The following CTNNBL1 variants were observed in gnomAD, a reference collection of about 807,000 sequenced individuals.
CTNNBL1 encodes the protein catenin beta like 1.
A neutral mutation model predicts 72.7 loss-of-function variants in CTNNBL1; 31 were observed. The observed-to-expected ratio is 0.43, with a 90% CI of 0.32 to 0.58. The LOEUF (loss-of-function observed/expected upper bound fraction) is 0.58, where lower values mean the gene tolerates loss of function less well. Ranked by LOEUF, CTNNBL1 falls within the 20% of genes least tolerant of loss-of-function variation. The pLI is 0.08. For missense variants in CTNNBL1, 534 were observed against 725.1 expected, an observed-to-expected ratio of 0.74 and a Z score of 3.03; for synonymous variants, 240 against 267.3, an observed-to-expected ratio of 0.90 and a Z score of 1.00.
chr20:37,767,534 G>A (rs150874529), intron 6 of CTNNBL1, among the ~76,000 whole-genome samples: 25 of 151,850 alleles, frequency 1.6e-4, no homozygotes, highest in African/African-American at 4.6e-4. Flanking sequence ...GATGAATCAG[G>A]AAAGGAAGCG....
intron 11 of CTNNBL1, among the ~76,000 whole-genome samples, chr20:37,820,940 C>A (rs1447370247): frequency 6.6e-6 from 1 of 152,174 alleles, no homozygotes; most frequent in Non-Finnish European, 1.5e-5. Context: ...TAATACAGAT[C>A]TAGGGTAAAA....
chr20:37,766,841 A>G (rs1037075812), intron 6 of CTNNBL1, among the ~76,000 whole-genome samples: 2 of 152,226 alleles, frequency 1.3e-5, no homozygotes, highest in African/African-American at 4.8e-5. Flanking sequence ...CGAGTGAACA[A>G]TAGGAAGCCA....
At chr20:37,847,288 A>G (rs2072354665) in intron 13 of CTNNBL1, among the ~76,000 whole-genome samples, 1 of 152,188 alleles carries the variant, frequency 6.6e-6, no homozygotes, top group African/African-American at 2.4e-5. Context: ...AATAATCTGT[A>G]ACTAGCAAAG....
At chr20:37,722,670 C>T (rs910278134) in intron 1 of CTNNBL1, among the ~76,000 whole-genome samples, 8 of 152,196 alleles carry the variant, frequency 5.3e-5, no homozygotes, top group Middle Eastern at 3.4e-3. Flanking sequence ...TGTGAGATAG[C>T]GAAGCAAGGG....
At chr20:37,697,971 C>A (rs2122534972) in intron 1 of CTNNBL1, among the ~76,000 whole-genome samples, 1 of 152,284 alleles carries the variant, frequency 6.6e-6, no homozygotes, top group South Asian at 2.1e-4. Flanking sequence ...GTCAATCTGA[C>A]CCCTTTCCCC....
intron 5 of CTNNBL1, among the ~76,000 whole-genome samples, chr20:37,760,311 G>A (rs2073404762): frequency 6.6e-6 from 1 of 152,146 alleles, no homozygotes; most frequent in African/African-American, 2.4e-5. Context: ...CCCCAAACTT[G>A]CCATGTGCTA....
At chr20:37,722,558 G>T (rs2122580390) in intron 1 of CTNNBL1, among the ~76,000 whole-genome samples, 1 of 152,218 alleles carries the variant, frequency 6.6e-6, no homozygotes, top group African/African-American at 2.4e-5. Flanking sequence ...GCAGTTTGCA[G>T]TCATTAAGAG....
intron 13 of CTNNBL1, among the ~76,000 whole-genome samples, chr20:37,854,551 A>ATATTATTATTAT (rs139266490): frequency 1.5e-5 from 2 of 129,296 alleles, no homozygotes; most frequent in Non-Finnish European, 3.2e-5. Flanking sequence ...CTGCCTCTCA[A>ATATTATTATTAT]TATTATTATT....
rs141165202 is a variant in CTNNBL1, at chr20:37,730,949, C to T, written c.31-1930C>T. Among the ~76,000 whole-genome samples, 140 of 151,816 alleles carry T rather than the reference C, an allele frequency of 9.2e-4. 1 individual carries two copies. In the East Asian group the frequency reaches 0.024, roughly 26 times the overall value. On this transcript the variant is annotated intron_variant, in intron 1 of 15. Transcript: ENST00000361383. ...TTTTGTGATCTTATGTAATACTTGG[C>T]TTCTGGGCCTTTATTATTATTATTA...
intron 3 of CTNNBL1, among the ~76,000 whole-genome samples, chr20:37,741,888 A>G (rs2073219160): frequency 1.3e-5 from 2 of 152,028 alleles, no homozygotes; most frequent in African/African-American, 4.8e-5. Flanking sequence ...CTGACTTCCT[A>G]AACTTAAAAG....
intron 3 of CTNNBL1, among the ~76,000 whole-genome samples, chr20:37,742,694 C>T (rs2073227375): frequency 1.3e-5 from 2 of 150,558 alleles, no homozygotes; most frequent in Non-Finnish European, 2.9e-5. Flanking sequence ...TTTCATTTTG[C>T]CCTTTATCTA....
At chr20:37,697,311 T>C (rs1006533672) in intron 1 of CTNNBL1, among the ~76,000 whole-genome samples, 1 of 152,154 alleles carries the variant, frequency 6.6e-6, no homozygotes, top group Admixed American at 6.6e-5. Context: ...TTTTACTTTA[T>C]GTAATGTGGT....
In CTNNBL1 at chr20:37,831,095, T is replaced by G. The variant is rs536393512; in HGVS notation, c.1214-9007T>G. ...GGTTTCTGTCCACCAACTTTACCAC[T>G]GAAAACATGAAGCTGCTAGCGCATA... On this transcript the variant is annotated intron_variant, in intron 11 of 15. Transcript: ENST00000361383. Among the ~76,000 whole-genome samples the G allele has an allele frequency of 3.9e-5, 6 of 152,330 alleles. No individual in the cohort carries two copies. In the South Asian group the frequency reaches 1.2e-3, roughly 32 times the overall value.
chr20:37,753,510 A>G (rs1483885051), intron 4 of CTNNBL1, among the ~76,000 whole-genome samples: 1 of 152,200 alleles, frequency 6.6e-6, no homozygotes, highest in African/African-American at 2.4e-5. Context: ...CTGAAAAAGG[A>G]CTTGATCAAT....
intron 7 of CTNNBL1, among the ~76,000 whole-genome samples, chr20:37,773,785 T>C (rs1600479154): frequency 6.6e-6 from 1 of 152,102 alleles, no homozygotes; most frequent in East Asian, 1.9e-4. Flanking sequence ...ATCATCATCA[T>C]CACCACTAAG....
At chr20:37,759,662 TC>T (rs1385345066) in intron 5 of CTNNBL1, among the ~76,000 whole-genome samples, 3 of 152,182 alleles carry the variant, frequency 2.0e-5, no homozygotes, top group Admixed American at 6.5e-5. Context: ...AGATTTTGAC[TC>T]TTACAGGTTT....
chr20:37,710,853 A>C (rs1160779892), intron 1 of CTNNBL1, among the ~76,000 whole-genome samples: 1 of 152,062 alleles, frequency 6.6e-6, no homozygotes, highest in African/African-American at 2.4e-5. Context: ...TTTGTTCTTC[A>C]CCAGTTTATG....
At chr20:37,701,070 A>G (rs961594976) in intron 1 of CTNNBL1, among the ~76,000 whole-genome samples, 6 of 152,264 alleles carry the variant, frequency 3.9e-5, no homozygotes, top group African/African-American at 1.4e-4. Flanking sequence ...TTCAATCAAT[A>G]TTTTTCTGTT....
intron 13 of CTNNBL1, among the ~76,000 whole-genome samples, chr20:37,853,365 A>G (rs2072412850): frequency 6.6e-6 from 1 of 152,252 alleles, no homozygotes; most frequent in South Asian, 2.1e-4. Context: ...GAGGGAAGAT[A>G]TAAGGCAGGG....
Sources: allele counts gnomAD v4.1 joint callset (sites outside exome capture counted in the v4.1 genomes callset), GRCh38; gene constraint gnomAD v4.1.1; transcripts MANE v1.5; gene names NCBI Gene and HGNC (gene_info 2026-07-23, HGNC 2026-07-21).